The following UBL3 variants were observed in gnomAD, a reference collection of about 807,000 sequenced individuals.
UBL3 encodes the protein ubiquitin like 3, also known as ubiquitin-like protein 3.
In UBL3, 6 loss-of-function variants were observed where a neutral mutation model predicts 18.4. The ratio of observed to expected loss-of-function variants is 0.33; its 90% confidence interval spans 0.18 to 0.64. The LOEUF is 0.64. Among genes scored for constraint, UBL3 ranks in the 30% least tolerant of loss-of-function variants. UBL3 has a pLI of 0.76. For missense variants in UBL3, 109 were observed against 142.9 expected (o/e 0.76, Z 1.21); for synonymous variants, 49 against 46.6 (o/e 1.05, Z -0.21).
chr13:29,807,979 G>A (rs996945891), intron 1 of UBL3, among the ~76,000 whole-genome samples: 4 of 152,114 alleles, frequency 2.6e-5, no homozygotes, highest in African/African-American at 9.7e-5. Flanking sequence ...ATTCTTTGTA[G>A]TGGGTAAAAA....
intron 1 of UBL3, among the ~76,000 whole-genome samples, chr13:29,788,885 AC>A (rs1877407467): frequency 3.7e-5 from 1 of 27,234 alleles, no homozygotes; most frequent in African/African-American, 8.6e-5. Flanking sequence ...GCGCGCGCGC[AC>A]GCGCACGTGT....
intron 1 of UBL3, among the ~76,000 whole-genome samples, chr13:29,848,231 G>A (rs1485040643): frequency 6.9e-6 from 1 of 143,970 alleles, no homozygotes; most frequent in South Asian, 2.2e-4. Flanking sequence ...ATCATCTGAG[G>A]TCAGGAGTTT....
intron 1 of UBL3, among the ~76,000 whole-genome samples, chr13:29,811,383 G>A (rs11838464): frequency 1.2e-4 from 19 of 152,034 alleles, no homozygotes; most frequent in African/African-American, 4.6e-4. Context: ...ATTTTAAAAT[G>A]AAGCAATGTT....
At chr13:29,844,926 C>G (rs971826772) in intron 1 of UBL3, among the ~76,000 whole-genome samples, 3 of 85,600 alleles carry the variant, frequency 3.5e-5, no homozygotes, top group Non-Finnish European at 7.1e-5. Flanking sequence ...ACCACTATTA[C>G]TACGGAACAA....
chr13:29,795,776 A>G (rs957537538), intron 1 of UBL3, among the ~76,000 whole-genome samples: 14 of 150,122 alleles, frequency 9.3e-5, no homozygotes, highest in South Asian at 2.1e-4. Context: ...AAAAAAAAAA[A>G]AGAGAGAGAG....
At chr13:29,785,366 A>T (rs1006905948) in intron 1 of UBL3, among the ~76,000 whole-genome samples, 2 of 152,046 alleles carry the variant, frequency 1.3e-5, no homozygotes, top group African/African-American at 4.8e-5. Flanking sequence ...TAAGTGCTCA[A>T]CTTTTTATAA....
At chr13:29,808,597 T>G (rs1877955879) in intron 1 of UBL3, among the ~76,000 whole-genome samples, 1 of 152,090 alleles carries the variant, frequency 6.6e-6, no homozygotes, top group South Asian at 2.1e-4. Context: ...TACAAAATAT[T>G]TTCATATATA....
At chr13:29,767,481 TC>T in intron 4 of UBL3, 136 bp downstream of exon 4, 1 of 1,182,034 alleles carries the variant, frequency 8.5e-7, no homozygotes, top group Non-Finnish European at 1.2e-6. Context: ...TTCAAAAATG[TC>T]TGGTTATTTG....
At chr13:29,775,523 G>A (rs568819012) in intron 2 of UBL3, among the ~76,000 whole-genome samples, 1 of 152,122 alleles carries the variant, frequency 6.6e-6, no homozygotes, top group South Asian at 2.1e-4. Context: ...GAAATCAGCT[G>A]AAAAAAATCA....
intron 1 of UBL3, among the ~76,000 whole-genome samples, chr13:29,799,001 G>A (rs1269394959): frequency 6.6e-6 from 1 of 152,216 alleles, no homozygotes; most frequent in African/African-American, 2.4e-5. Flanking sequence ...CCAAAGGTAA[G>A]TGGGAAACTG....
chr13:29,830,095 C>A (rs529723199), intron 1 of UBL3, among the ~76,000 whole-genome samples: 1 of 152,224 alleles, frequency 6.6e-6, no homozygotes, highest in South Asian at 2.1e-4. Context: ...ATAAGTTATT[C>A]AAGTCACCTG....
chr13:29,777,375 T>C (rs1160903234), intron 1 of UBL3, 112 bp from the exon 2 acceptor site: 6 of 820,088 alleles, frequency 7.3e-6, no homozygotes, highest in Non-Finnish European at 1.2e-5. Flanking sequence ...CAATGCCATA[T>C]TGTGGTTTTT....
At chr13:29,776,194 T>C (rs1565989070) in intron 2 of UBL3, among the ~76,000 whole-genome samples, 1 of 151,982 alleles carries the variant, frequency 6.6e-6, no homozygotes, top group South Asian at 2.1e-4. Context: ...TAAAAATAGG[T>C]TTACTGATAT....
intron 1 of UBL3, among the ~76,000 whole-genome samples, chr13:29,792,980 T>C (rs1359213451): frequency 2.0e-5 from 3 of 152,220 alleles, no homozygotes; most frequent in Non-Finnish European, 4.4e-5. Flanking sequence ...GGTAAAGGCA[T>C]CACACTATGT....
At chr13:29,839,103 G>A (rs889197709) in intron 1 of UBL3, among the ~76,000 whole-genome samples, 3 of 152,096 alleles carry the variant, frequency 2.0e-5, no homozygotes, top group Non-Finnish European at 4.4e-5. Flanking sequence ...CACATATTTG[G>A]CAATGTTAAC....
intron 1 of UBL3, among the ~76,000 whole-genome samples, chr13:29,794,391 T>A (rs938331661): frequency 2.0e-5 from 3 of 151,964 alleles, no homozygotes; most frequent in African/African-American, 7.2e-5. Flanking sequence ...CCTATATGCA[T>A]GTTGACCTTT....
intron 1 of UBL3, among the ~76,000 whole-genome samples, chr13:29,801,931 C>T (rs1158921261): frequency 6.6e-6 from 1 of 152,210 alleles, no homozygotes; most frequent in East Asian, 1.9e-4. Flanking sequence ...GTCCCTTCCC[C>T]TGTTGCCTCC....
At chr13:29,789,414 C>T (rs963222828) in intron 1 of UBL3, among the ~76,000 whole-genome samples, 1 of 152,152 alleles carries the variant, frequency 6.6e-6, no homozygotes, top group African/African-American at 2.4e-5. Flanking sequence ...TTCTTCACTG[C>T]AAAATTCAGA....
At chr13:29,813,803 G>A (rs1347588440) in intron 1 of UBL3, among the ~76,000 whole-genome samples, 1 of 151,962 alleles carries the variant, frequency 6.6e-6, no homozygotes, top group Admixed American at 6.6e-5. Flanking sequence ...TCCTCAAACT[G>A]CTACTTTTTA....
Sources: gnomAD v4.1 joint callset for allele counts (sites outside exome capture counted in the v4.1 genomes callset) on GRCh38, gnomAD v4.1.1 for gene constraint, MANE v1.5 for transcripts, NCBI Gene and HGNC (gene_info 2026-07-23, HGNC 2026-07-21) for gene names.